PTPRD: variants seen among roughly 807,000 people sequenced by gnomAD.
The protein encoded by PTPRD is receptor-type tyrosine-protein phosphatase delta.
A neutral mutation model predicts 214.5 loss-of-function variants in PTPRD; 34 were observed. That is an observed-to-expected ratio of 0.16 (90% CI 0.12 to 0.21). PTPRD has a LOEUF of 0.21. Among genes scored for constraint, PTPRD ranks in the 10% least tolerant of loss-of-function variants. The pLI is 1.00. For missense variants in PTPRD, 2,545 were observed against 2,398.7 expected, an observed-to-expected ratio of 1.06 and a Z score of -1.27; for synonymous variants, 1,128 against 845.7, an observed-to-expected ratio of 1.33 and a Z score of -5.79.
chr9:9,560,713 G>A (rs1156547443), intron 8 of PTPRD, among the ~76,000 whole-genome samples: 1 of 152,178 alleles, frequency 6.6e-6, no homozygotes, highest in East Asian at 1.9e-4. Flanking sequence ...TGGGCAGAAA[G>A]TACACTCTGG....
At chr9:10,475,457 G>A (rs1191721050) in intron 2 of PTPRD, among the ~76,000 whole-genome samples, 1 of 151,614 alleles carries the variant, frequency 6.6e-6, no homozygotes, top group Non-Finnish European at 1.5e-5. Flanking sequence ...CCTGAATATA[G>A]GAATAAAAAG....
intron 8 of PTPRD, among the ~76,000 whole-genome samples, chr9:9,409,218 A>C (rs951210949): frequency 2.6e-5 from 4 of 151,984 alleles, no homozygotes; most frequent in Non-Finnish European, 5.9e-5. Context: ...GGGGTATTCT[A>C]TGATAATATT....
intron 4 of PTPRD, among the ~76,000 whole-genome samples, chr9:9,960,049 A>C (rs1426226885): frequency 6.6e-6 from 1 of 152,190 alleles, no homozygotes; most frequent in Non-Finnish European, 1.5e-5. Context: ...CTGGTTTCTA[A>C]TAACATTCTC....
chr9:8,577,205 C>T (rs1014425633), intron 14 of PTPRD, among the ~76,000 whole-genome samples: 35 of 151,964 alleles, frequency 2.3e-4, no homozygotes, highest in African/African-American at 7.7e-4. Context: ...ATTCTTGCTG[C>T]CTGAAAGAAC....
intron 2 of PTPRD, among the ~76,000 whole-genome samples, chr9:10,456,506 G>A (rs1003924637): frequency 2.0e-5 from 3 of 151,852 alleles, no homozygotes; most frequent in Admixed American, 2.0e-4. Flanking sequence ...TATAGTTTAA[G>A]AAAATCAATT....
intron 11 of PTPRD, among the ~76,000 whole-genome samples, chr9:8,841,774 G>C (rs2097563076): frequency 6.6e-6 from 1 of 151,802 alleles, no homozygotes; most frequent in Admixed American, 6.6e-5. Flanking sequence ...CACTTTGGGA[G>C]GCCAAGGCGG....
At chr9:9,133,160 T>A (rs902586194) in intron 10 of PTPRD, among the ~76,000 whole-genome samples, 6 of 152,178 alleles carry the variant, frequency 3.9e-5, no homozygotes, top group African/African-American at 1.4e-4. Flanking sequence ...AATGAATGCA[T>A]GTTAAGTACA....
At chr9:9,361,476 TA>T (rs1490708296) in intron 9 of PTPRD, among the ~76,000 whole-genome samples, 2 of 151,128 alleles carry the variant, frequency 1.3e-5, no homozygotes, top group African/African-American at 2.4e-5. Context: ...TAGTGTTTTT[TA>T]AAATGCACCA....
chr9:9,560,603 G>A (rs1311668269), intron 8 of PTPRD, among the ~76,000 whole-genome samples: 2 of 152,164 alleles, frequency 1.3e-5, no homozygotes, highest in East Asian at 1.9e-4. Flanking sequence ...GCAAGCCTCA[G>A]GGGCTGAAGA....
intron 10 of PTPRD, among the ~76,000 whole-genome samples, chr9:9,087,588 T>C (rs951989946): frequency 2.3e-4 from 35 of 152,068 alleles, no homozygotes; most frequent in African/African-American, 8.0e-4. Flanking sequence ...GAATTCTGAG[T>C]GCCAGATAAG....
intron 4 of PTPRD, among the ~76,000 whole-genome samples, chr9:9,960,676 G>A (rs2094299640): frequency 6.6e-6 from 1 of 151,940 alleles, no homozygotes; most frequent in Non-Finnish European, 1.5e-5. Flanking sequence ...TCTAACAGAG[G>A]GGCATCCTGC....
At chr9:8,831,047 G>A (rs965811274) in intron 11 of PTPRD, among the ~76,000 whole-genome samples, 3 of 152,162 alleles carry the variant, frequency 2.0e-5, no homozygotes, top group Non-Finnish European at 4.4e-5. Flanking sequence ...TAGGCACTTA[G>A]AAAATCTGTG....
intron 12 of PTPRD, among the ~76,000 whole-genome samples, chr9:8,730,163 G>C (rs1045723604): frequency 6.6e-6 from 1 of 152,168 alleles, no homozygotes; most frequent in African/African-American, 2.4e-5. Flanking sequence ...GGCTGAGACA[G>C]GAGAATGGCG....
chr9:9,901,907 G>A (rs1054048128), intron 5 of PTPRD, among the ~76,000 whole-genome samples: 7 of 152,128 alleles, frequency 4.6e-5, no homozygotes, highest in African/African-American at 7.2e-5. Flanking sequence ...GCGAGAACTC[G>A]CTCACCATCA....
chr9:9,959,103 T>G (rs541425361), intron 4 of PTPRD, among the ~76,000 whole-genome samples: 161 of 152,222 alleles, frequency 1.1e-3, no homozygotes, highest in African/African-American at 3.7e-3. Context: ...GCAACCAAGA[T>G]GTTCAACAGA....
chr9:9,067,590 A>G (rs2099736817), intron 10 of PTPRD, among the ~76,000 whole-genome samples: 1 of 152,170 alleles, frequency 6.6e-6, no homozygotes, highest in East Asian at 1.9e-4. Context: ...GACATTTTAA[A>G]TTAGTCTTTT....
chr9:10,286,007 C>A (rs756750931), intron 3 of PTPRD, among the ~76,000 whole-genome samples: 122 of 152,166 alleles, frequency 8.0e-4, no homozygotes, highest in Non-Finnish European at 1.3e-3. Flanking sequence ...TGTTTCTATA[C>A]ACTGAGAAAG....
At chr9:8,583,905 A>C (rs1375766453) in intron 14 of PTPRD, among the ~76,000 whole-genome samples, 3 of 152,220 alleles carry the variant, frequency 2.0e-5, no homozygotes, top group African/African-American at 2.4e-5. Context: ...TAATCTCAGC[A>C]TTTTGGGAAG....
intron 12 of PTPRD, among the ~76,000 whole-genome samples, chr9:8,664,460 A>G (rs548016049): frequency 6.2e-4 from 94 of 152,210 alleles, no homozygotes; most frequent in Non-Finnish European, 1.3e-3. Flanking sequence ...AATACAAGGC[A>G]AGCACCCATC....
Sources: allele counts gnomAD v4.1 joint callset (sites outside exome capture counted in the v4.1 genomes callset), GRCh38; gene constraint gnomAD v4.1.1; transcripts MANE v1.5; gene names NCBI Gene and HGNC (gene_info 2026-07-23, HGNC 2026-07-21).